EIF3E: variants seen among roughly 807,000 people sequenced by gnomAD.
The protein encoded by EIF3E is eIF-3 p48.
In EIF3E, 25 loss-of-function variants were observed where a neutral mutation model predicts 59.3. That is an observed-to-expected ratio of 0.42 (90% CI 0.31 to 0.59). The LOEUF is 0.59. EIF3E is among the 20% of genes least tolerant of loss of function. EIF3E has a pLI of 0.15. For synonymous variants in EIF3E, 176 were observed against 170.2 expected (o/e 1.03, Z -0.26); for missense variants, 317 against 534.3 (o/e 0.59, Z 4.01).
rs558978322 is a variant in EIF3E, at chr8:108,228,964, T to C, written c.597+106A>G. ...TTTGTAAGGTCAACAAAAGCTAATATGAATTTTTTTTTTTAATTCCCAAAA... is the reference window on the plus strand; with the variant it reads ...TTTGTAAGGTCAACAAAAGCTAATACGAATTTTTTTTTTTAATTCCCAAAA... On this transcript the variant is annotated intron_variant, in intron 6 of 12. Transcript: ENST00000220849. 12 of 1,256,488 alleles carry C rather than the reference T, an allele frequency of 9.6e-6. No homozygotes were observed. The African/African-American group carries it at 1.2e-4, about 13-fold the overall frequency. The allele number at this position is 1,256,488 out of a possible 1,614,324, so 77.8% of individuals were successfully genotyped here.
At position 108,211,368 on chromosome 8, in the gene EIF3E, T is replaced by A. The variant is rs576669530; in HGVS notation, c.1061+3239A>T. The stretch of plus-strand genomic sequence containing the variant: ...GCCAGTGATGATGAGCATTTTTTCA[T>A]ATGTCTGTTGGCTGCATAAATGTCT... On this transcript the variant is annotated intron_variant, in intron 10 of 12. Coordinates refer to ENST00000220849, the MANE Select transcript of EIF3E (RefSeq NM_001568.3). 1.1e-4 allele frequency among the ~76,000 whole-genome samples: 16 copies of A among 151,082 alleles called. No individual in the cohort carries two copies. In the East Asian group the frequency reaches 2.9e-3, roughly 27 times the overall value.
chr8:108,212,751 G>C (rs997258797), intron 10 of EIF3E, among the ~76,000 whole-genome samples: 3 of 152,132 alleles, frequency 2.0e-5, no homozygotes, highest in Non-Finnish European at 4.4e-5. Flanking sequence ...GCAGTGAGCA[G>C]AGATCGCACC....
intron 1 of EIF3E, chr8:108,242,573 A>T: frequency 8.6e-7 from 1 of 1,167,536 alleles, no homozygotes; most frequent in South Asian, 1.7e-5. Context: ...TTTTGCAAGG[A>T]AAGAAAAATC....
Position 108,228,316 on chromosome 8 carries a change from G to A in EIF3E, c.673C>T (p.His225Tyr). Reference sequence around the variant, plus strand: ...ATAATATTATCGCGACCTTTGGGGTGATTGAAGAAAACAAACAGAGACCAG... The same window carrying A: ...ATAATATTATCGCGACCTTTGGGGTAATTGAAGAAAACAAACAGAGACCAG... ...IHWSLFVFFN[H>Y]PKGRDNIIDL... Residue 225 changes from histidine to tyrosine, a missense_variant, in exon 7 of 13, where the codon CAC (histidine) becomes TAC (tyrosine). This residue lies in a region of EIF3E where 242 missense variants were observed against 398.0 expected (regional missense o/e 0.61). Transcript: ENST00000220849. The A allele has an allele frequency of 6.2e-7, 1 of 1,608,882 alleles. No individual in the cohort carries two copies. Among genetic ancestry groups the A allele is most frequent in the Non-Finnish European group, 8.5e-7 (1 of 1,177,262 alleles).
chr8:108,241,654 C>G (rs1032204647), intron 2 of EIF3E, 145 bp downstream of exon 2: 4 of 446,676 alleles, frequency 9.0e-6, no homozygotes, highest in Non-Finnish European at 1.6e-5. Flanking sequence ...AGATATGAAA[C>G]CTTTATATAA....
At chr8:108,215,474 C>T (rs900555526) in intron 9 of EIF3E, among the ~76,000 whole-genome samples, 2 of 151,866 alleles carry the variant, frequency 1.3e-5, no homozygotes, top group Non-Finnish European at 2.9e-5. Context: ...AAAAATTAAC[C>T]GGGCGTGGTG....
At chr8:108,212,386 G>T (rs1226158160) in intron 10 of EIF3E, among the ~76,000 whole-genome samples, 1 of 152,210 alleles carries the variant, frequency 6.6e-6, no homozygotes, top group Non-Finnish European at 1.5e-5. Flanking sequence ...CACATTTTCA[G>T]ATATAAAACA....
intron 10 of EIF3E, among the ~76,000 whole-genome samples, chr8:108,213,377 T>C (rs941982393): frequency 2.0e-5 from 3 of 152,276 alleles, no homozygotes; most frequent in Non-Finnish European, 4.4e-5. Flanking sequence ...CACTATACTG[T>C]ACAAAGCATA....
chr8:108,208,484 T>C (rs1815145878), intron 10 of EIF3E, among the ~76,000 whole-genome samples: 1 of 152,120 alleles, frequency 6.6e-6, no homozygotes, highest in African/African-American at 2.4e-5. Flanking sequence ...AATTGAGAAA[T>C]GCTAAATCCT....
Position 108,228,352 on chromosome 8 carries a change from A to T in EIF3E, c.637T>A (p.Trp213Arg), listed in dbSNP as rs780036432. Residue 213 changes from tryptophan (W) to arginine (R), a missense_variant, in exon 7 of 13, where the codon TGG (tryptophan) becomes AGG (arginine). Transcript: ENST00000220849. ...ACAAACAGAGACCAGTGAATGAGCC[A>T]TGTTCTCTGCTGAAGAGACTGAAGT... ...SPLQSLQQRT[W>R]LIHWSLFVFF... The T allele has an allele frequency of 6.2e-7, 1 of 1,606,340 alleles. No individual in the cohort carries two copies. The highest frequency in any genetic ancestry group is 8.5e-7 in the Non-Finnish European group (1 of 1,176,070).
chr8:108,248,009 T>C (rs889035932), intron 1 of EIF3E, among the ~76,000 whole-genome samples: 1 of 87,684 alleles, frequency 1.1e-5, no homozygotes, highest in Non-Finnish European at 2.1e-5. Context: ...CATTTAAAGA[T>C]TGGAGGGATT....
intron 7 of EIF3E, among the ~76,000 whole-genome samples, chr8:108,223,024 A>G (rs1349247561): frequency 6.6e-6 from 1 of 152,162 alleles, no homozygotes; most frequent in African/African-American, 2.4e-5. Flanking sequence ...AACATAAAAT[A>G]TGCCACCAAA....
intron 3 of EIF3E, among the ~76,000 whole-genome samples, chr8:108,237,197 A>C (rs544801550): frequency 5.3e-5 from 8 of 151,542 alleles, no homozygotes; most frequent in East Asian, 3.9e-4. Flanking sequence ...ATAATAAAGA[A>C]AGACATCAAG....
At position 108,229,136 on chromosome 8, in the gene EIF3E, G is replaced by T. The variant is rs1426121494; in HGVS notation, c.531C>A (p.Ile177=). Residue 177 remains isoleucine (I), a synonymous_variant, in exon 6 of 13, where the codon ATC becomes ATA. Coordinates refer to ENST00000220849, the MANE Select transcript of EIF3E (RefSeq NM_001568.3). ...SSLWGKLASE[I]LMQNWDAAME... ...TGGCTGCATCCCAATTCTGCATTAA[G>T]ATTTCAGAGGCCAGCTTTCCCCAGA... The T allele has an allele frequency of 5.6e-6, 9 of 1,613,388 alleles. No homozygotes were observed. The Admixed American group carries it at 1.0e-4, about 18-fold the overall frequency.
chr8:108,246,165 A>G (rs1815943828), intron 1 of EIF3E, among the ~76,000 whole-genome samples: 2 of 152,162 alleles, frequency 1.3e-5, no homozygotes, highest in African/African-American at 4.8e-5. Flanking sequence ...ATTTCATCCT[A>G]CTACCCAGAA....
At chr8:108,231,539 A>G (rs1477548226) in intron 5 of EIF3E, among the ~76,000 whole-genome samples, 2 of 152,150 alleles carry the variant, frequency 1.3e-5, no homozygotes, top group Non-Finnish European at 2.9e-5. Context: ...AGGGAGGGAA[A>G]GAGACAGCTC....
chr8:108,224,694 T>C (rs1391033682), intron 7 of EIF3E, among the ~76,000 whole-genome samples: 1 of 151,506 alleles, frequency 6.6e-6, no homozygotes, highest in Non-Finnish European at 1.5e-5. Flanking sequence ...TCAAAGAAAA[T>C]AGTTCCACAG....
chr8:108,236,013 A>C, intron 4 of EIF3E, 148 bp downstream of exon 4: 1 of 572,854 alleles, frequency 1.7e-6, no homozygotes, highest in Non-Finnish European at 2.8e-6. Context: ...TAAACACTGA[A>C]GTTTTAAAAA....
intron 7 of EIF3E, among the ~76,000 whole-genome samples, chr8:108,220,310 A>C (rs762410987): frequency 2.0e-5 from 3 of 152,242 alleles, no homozygotes; most frequent in Non-Finnish European, 2.9e-5. Context: ...ATTGCAGATT[A>C]ATCACTTTCA....
Sources: gnomAD v4.1 joint callset for allele counts (sites outside exome capture counted in the v4.1 genomes callset) on GRCh38, gnomAD v4.1.1 for gene constraint, gnomAD v4.1.1 regional missense constraint, MANE v1.5 for transcripts, NCBI Gene and HGNC (gene_info 2026-07-23, HGNC 2026-07-21) for gene names.